Variants in GANC observed in about 807,000 individuals in gnomAD.
GANC encodes glucosidase alpha, neutral C, also known as neutral alpha-glucosidase C.
Under a neutral mutation model 124.2 loss-of-function variants are expected in GANC, and 117 were observed. The ratio of observed to expected loss-of-function variants is 0.94; its 90% CI spans 0.81 to 1.10. The LOEUF (loss-of-function observed/expected upper bound fraction) is 1.10, where lower values mean the gene tolerates loss of function less well. GANC is among the 50% of genes least tolerant of loss of function. The pLI is 0.00. For missense variants in GANC, 1,140 were observed against 1,095.0 expected, an observed-to-expected ratio of 1.04 and a Z score of -0.58; for synonymous variants, 377 against 376.8, an observed-to-expected ratio of 1.00 and a Z score of -0.01.
At chr15:42,345,673 A>G in intron 19 of GANC, 85 bp from the exon 20 acceptor site, 2 of 722,614 alleles carry the variant, frequency 2.8e-6, no homozygotes, top group South Asian at 1.8e-5. Context: ...TTTGAAATCC[A>G]GGTAAGTGGA....
chr15:42,345,952 T>G, intron 20 of GANC, 120 bp downstream of exon 20: 2 of 686,172 alleles, frequency 2.9e-6, no homozygotes, highest in Non-Finnish European at 5.0e-6. Flanking sequence ...TTCTCGAAGT[T>G]TTGGAGGCTG....
chr15:42,339,998 GAT>G lies in GANC; in HGVS notation c.2087+87_2087+88del, dbSNP rs1448334183. 2.7e-6 allele frequency: 4 copies of G among 1,457,982 alleles called. No individual in the cohort carries two copies. The African/African-American group carries it at 5.7e-5, about 21-fold the overall frequency. 90.3% of individuals were successfully genotyped at this position (1,457,982 alleles called of 1,614,324 possible). ...GATTAAAGAATGCAATAATTACAGT[GAT>G]TTCAAGAGAAAGGTGAAGAAAAGCT... On this transcript the variant is annotated intron_variant, in intron 17 of 23. Transcript: ENST00000318010.
At chr15:42,337,301 G>A (rs868778610) in intron 15 of GANC, among the ~76,000 whole-genome samples, 1 of 152,194 alleles carries the variant, frequency 6.6e-6, no homozygotes, top group African/African-American at 2.4e-5. Context: ...ATACTATGCA[G>A]CCATAAAAAG....
In GANC at chr15:42,353,196, C is replaced by G. The variant is rs1252738731; in HGVS notation, c.*1057C>G. 6.1e-6 allele frequency: 6 copies of G among 985,856 alleles called. No individual in the cohort carries two copies. Among genetic ancestry groups the G allele is most frequent in the Non-Finnish European group, 7.2e-6 (6 of 830,076 alleles). 61.1% of individuals were successfully genotyped at this position (985,856 alleles called of 1,614,324 possible). On this transcript the variant is annotated 3_prime_UTR_variant, in exon 24 of 24. Coordinates refer to ENST00000318010, the MANE Select transcript of GANC (RefSeq NM_198141.3). Reference sequence around the variant, plus strand: ...ACAGACCTCAGTGGCTCCCTGCTGCCTGCCACAGCATCTGTTTTAGCAGCC... The same window carrying G: ...ACAGACCTCAGTGGCTCCCTGCTGCGTGCCACAGCATCTGTTTTAGCAGCC...
At chr15:42,285,595 G>A (rs1595763682) in intron 3 of GANC, among the ~76,000 whole-genome samples, 1 of 152,252 alleles carries the variant, frequency 6.6e-6, no homozygotes, top group East Asian at 1.9e-4. Context: ...AGGAGTTTGA[G>A]ACCAGCCTGG....
chr15:42,332,112 T>G (rs1421738342), intron 15 of GANC, among the ~76,000 whole-genome samples: 1 of 152,156 alleles, frequency 6.6e-6, no homozygotes, highest in Non-Finnish European at 1.5e-5. Flanking sequence ...CTAACTATAG[T>G]CACCTTACTG....
chr15:42,288,706 T>A (rs2051815019), intron 4 of GANC, among the ~76,000 whole-genome samples: 1 of 152,212 alleles, frequency 6.6e-6, no homozygotes. Flanking sequence ...TTTCTTTTAA[T>A]AGAGACAGAG....
At chr15:42,348,403 A>G (rs1595787126) in intron 21 of GANC, among the ~76,000 whole-genome samples, 187 bp downstream of exon 21, 1 of 152,200 alleles carries the variant, frequency 6.6e-6, no homozygotes, top group East Asian at 1.9e-4. Flanking sequence ...GGAACCTTTG[A>G]GATCTAGGAA....
intron 3 of GANC, among the ~76,000 whole-genome samples, chr15:42,280,041 C>T (rs2051716363): frequency 6.6e-6 from 1 of 152,202 alleles, no homozygotes; most frequent in East Asian, 1.9e-4. Context: ...CCATAACTTT[C>T]TTGCCCAAAT....
intron 3 of GANC, chr15:42,283,714 T>C (rs1450133025): frequency 1.4e-6 from 1 of 702,610 alleles, no homozygotes; most frequent in Non-Finnish European, 2.6e-6. Context: ...CCTCTTCATC[T>C]AAGCCTAATG....
chr15:42,338,084 T>A (rs2141072068), intron 15 of GANC, among the ~76,000 whole-genome samples: 1 of 152,072 alleles, frequency 6.6e-6, no homozygotes, highest in African/African-American at 2.4e-5. Context: ...AAACCACATG[T>A]ATTATATGCA....
intron 6 of GANC, among the ~76,000 whole-genome samples, chr15:42,298,184 A>C (rs2051909902): frequency 6.6e-6 from 1 of 152,206 alleles, no homozygotes; most frequent in Admixed American, 6.5e-5. Context: ...TTCCAGGTAG[A>C]GGGAACTGCA....
At chr15:42,331,807 T>G (rs1201271909) in intron 15 of GANC, among the ~76,000 whole-genome samples, 1 of 152,230 alleles carries the variant, frequency 6.6e-6, no homozygotes, top group African/African-American at 2.4e-5. Context: ...AAAATTTTTT[T>G]TCTTTTTTTA....
intron 11 of GANC, among the ~76,000 whole-genome samples, chr15:42,325,478 A>T (rs532973142): frequency 3.3e-4 from 51 of 152,292 alleles, no homozygotes; most frequent in African/African-American, 1.2e-3. Context: ...GCTGTGGCTT[A>T]CAACTTTTCT....
In GANC at chr15:42,343,141, C is replaced by T; in HGVS notation, c.2216C>T (p.Pro739Leu). 1 of 1,613,852 alleles carries T rather than the reference C, an allele frequency of 6.2e-7. No homozygotes were observed. Among genetic ancestry groups the T allele is most frequent in the South Asian group, 1.1e-5 (1 of 91,078 alleles). ...PKATTVDVFLPGSNEVWYDYK... is the reference protein window; with the variant it reads ...PKATTVDVFLLGSNEVWYDYK... ...GCCACCACAGTTGATGTGTTTCTTC[C>T]AGGATCAAATGAGGTAAGAGTAATA... Residue 739 changes from proline to leucine, a missense_variant, in exon 19 of 24, where the codon CCA becomes CTA. By Grantham distance (98) the Pro-to-Leu change is moderately conservative. Transcript: ENST00000318010.
At chr15:42,320,378 A>G (rs966848720) in intron 10 of GANC, among the ~76,000 whole-genome samples, 2 of 151,964 alleles carry the variant, frequency 1.3e-5, no homozygotes, top group Admixed American at 6.6e-5. Flanking sequence ...GGTTCCTTGC[A>G]TTGTTCCTGT....
intron 22 of GANC, among the ~76,000 whole-genome samples, chr15:42,350,941 A>T (rs1302907650): frequency 6.6e-6 from 1 of 151,594 alleles, no homozygotes; most frequent in Non-Finnish European, 1.5e-5. Context: ...GTGCGATCTC[A>T]GCTCACTGCA....
rs753795784 is a variant in GANC, at chr15:42,339,715, G to C, written c.1890G>C (p.Val630=). ...GGAATCCAGAGACAGAGCTGCTAGT[G>C]CGTTGGTACCAGGCTGGAGCCTACC... ...FIGNPETELL[V]RWYQAGAYQP... The change falls in exon 17 of 24, where the codon GTG becomes GTC. Residue 630 remains valine (V), a synonymous_variant. Coordinates refer to ENST00000318010, the MANE Select transcript of GANC (RefSeq NM_198141.3). 4 of 1,614,140 alleles carry C rather than the reference G, an allele frequency of 2.5e-6. No individual in the cohort carries two copies. In the African/African-American group the frequency reaches 4.0e-5, roughly 16 times the overall value.
Position 42,322,035 on chromosome 15 carries a change from C to T in GANC, c.1293+15C>T, listed in dbSNP as rs2052163460. 6.3e-7 allele frequency: 1 copy of T among 1,583,494 alleles called. No individual in the cohort carries two copies. Among genetic ancestry groups the T allele is most frequent in the South Asian group, 1.1e-5 (1 of 87,640 alleles). On this transcript the variant is annotated intron_variant, in intron 11 of 23. Coordinates refer to ENST00000318010, the MANE Select transcript of GANC (RefSeq NM_198141.3). ...AAAAGCGTAAGGTAAAATAAGCCAA[C>T]ATTTCTGAACCTTTTAATTACAGAG...
Sources: allele counts gnomAD v4.1 joint callset (sites outside exome capture counted in the v4.1 genomes callset), GRCh38; gene constraint gnomAD v4.1.1; transcripts MANE v1.5; gene names NCBI Gene and HGNC (gene_info 2026-07-23, HGNC 2026-07-21).